Variants in CDK6 observed in about 807,000 individuals in gnomAD.
The protein encoded by CDK6 is cyclin dependent kinase 6, also known as cyclin-dependent kinase 6.
Under a neutral mutation model 37.1 loss-of-function variants are expected in CDK6, and 6 were observed. The ratio of observed to expected loss-of-function variants is 0.16; its 90% confidence interval spans 0.09 to 0.32. CDK6 has a LOEUF of 0.32. CDK6 is among the 10% of genes least tolerant of loss of function. CDK6 has a pLI of 1.00. For missense variants in CDK6, 224 were observed against 418.9 expected (o/e 0.53, Z 4.06); for synonymous variants, 160 against 161.3 (o/e 0.99, Z 0.06).
chr7:92,778,373 T>C lies in CDK6; in HGVS notation c.234-3542A>G, dbSNP rs184057087. 4.6e-5 allele frequency among the ~76,000 whole-genome samples: 7 copies of C among 152,334 alleles called. No homozygotes were observed. The East Asian group carries it at 1.4e-3, about 29-fold the overall frequency. On this transcript the variant is annotated intron_variant, in intron 2 of 7. Transcript: ENST00000424848. ...CATTCCTAAACTTAATATTTTCCCC[T>C]AATGTTACTTATTCTGGAAAATTAT... is the stretch of plus-strand genomic sequence containing the variant.
intron 2 of CDK6, among the ~76,000 whole-genome samples, chr7:92,831,372 T>C (rs1801475372): frequency 6.6e-6 from 1 of 152,326 alleles, no homozygotes; most frequent in African/African-American, 2.4e-5. Context: ...TATTCATTCA[T>C]ATACATGATA....
rs192393444 is a variant in CDK6 at position 92,630,046 on chromosome 7, T to C, written c.648-6960A>G. On this transcript the variant is annotated intron_variant, in intron 5 of 7. Coordinates refer to ENST00000424848, the MANE Select transcript of CDK6 (RefSeq NM_001145306.2). ...AGCCCCATCTCCAAATAGCATCACA[T>C]TGGGGGTTAGGGCTTCAATGTAAGA... Among the ~76,000 whole-genome samples the C allele has an allele frequency of 7.0e-3, 1,067 of 152,172 alleles. 22 individuals carry two copies. The highest frequency in any genetic ancestry group is 0.025 in the African/African-American group (1,025 of 41,520).
intron 4 of CDK6, among the ~76,000 whole-genome samples, chr7:92,702,217 A>ATTTT (rs1562940434): frequency 1.2e-4 from 6 of 49,850 alleles, no homozygotes; most frequent in East Asian, 1.3e-3. Context: ...TATCAAGTAT[A>ATTTT]TTCTTTTTTT....
intron 2 of CDK6, among the ~76,000 whole-genome samples, chr7:92,789,267 T>C (rs939502732): frequency 6.6e-6 from 1 of 152,170 alleles, no homozygotes; most frequent in African/African-American, 2.4e-5. Flanking sequence ...TTTTTGCCAA[T>C]AGATCTGCCC....
chr7:92,677,651 G>T (rs1797236461), intron 4 of CDK6, among the ~76,000 whole-genome samples: 1 of 152,072 alleles, frequency 6.6e-6, no homozygotes, highest in Non-Finnish European at 1.5e-5. Context: ...AGATATAAAA[G>T]AATAGCATTT....
At position 92,725,659 on chromosome 7, in the gene CDK6, G is replaced by A. The variant is rs771163287; in HGVS notation, c.504C>T (p.Arg168=). The change falls in exon 4 of 8, where the codon CGC becomes CGT. Residue 168 remains arginine, a synonymous_variant. Coordinates refer to ENST00000424848, the MANE Select transcript of CDK6 (RefSeq NM_001145306.2). ...QIKLADFGLA[R]IYSFQMALTS... ...TTAGAGCCATCTGGAAACTATAGAT[G>A]CGGGCAAGGCCGAAGTCAGCGAGTT... 1 of 1,614,076 alleles carries A rather than the reference G, an allele frequency of 6.2e-7. No homozygotes were observed. Among genetic ancestry groups the A allele is most frequent in the East Asian group, 2.2e-5 (1 of 44,882 alleles).
At chr7:92,741,962 G>A (rs1285688338) in intron 3 of CDK6, among the ~76,000 whole-genome samples, 1 of 152,068 alleles carries the variant, frequency 6.6e-6, no homozygotes, top group East Asian at 1.9e-4. Flanking sequence ...AAGAATAGGT[G>A]CTCAATAAGT....
intron 4 of CDK6, among the ~76,000 whole-genome samples, chr7:92,696,867 A>T (rs1194076254): frequency 6.6e-6 from 1 of 152,254 alleles, no homozygotes; most frequent in Non-Finnish European, 1.5e-5. Context: ...GAAGAAAATG[A>T]AAAGCAACAT....
At chr7:92,681,028 A>G (rs1166593036) in intron 4 of CDK6, among the ~76,000 whole-genome samples, 2 of 152,232 alleles carry the variant, frequency 1.3e-5, no homozygotes, top group Non-Finnish European at 2.9e-5. Flanking sequence ...ATAGCTAGAT[A>G]CATCAATAAC....
At chr7:92,647,004 A>ATGGGAAAACTGTTT (rs1329595559) in intron 5 of CDK6, among the ~76,000 whole-genome samples, 1 of 152,232 alleles carries the variant, frequency 6.6e-6, no homozygotes, top group Non-Finnish European at 1.5e-5. Context: ...GAAGAGAAAC[A>ATGGGAAAACTGTTT]TGGGAAAACT....
At chr7:92,691,421 TAATA>T (rs549300991) in intron 4 of CDK6, among the ~76,000 whole-genome samples, 55 of 152,304 alleles carry the variant, frequency 3.6e-4, no homozygotes, top group Admixed American at 5.9e-4. Context: ...ATCAAGAAAC[TAATA>T]TTTATTGAGC....
rs138515740 is a variant in CDK6 at position 92,682,096 on chromosome 7, C to T, written c.538-10561G>A. ...CAATTCCATCGAGAGCATGTCCTCT[C>T]CTGGATGGTCCAAATAGCTTCCTCT... On this transcript the variant is annotated intron_variant, in intron 4 of 7. Transcript: ENST00000424848. 2.0e-3 allele frequency among the ~76,000 whole-genome samples: 310 copies of T among 152,318 alleles called. 2 individuals carry two copies. Among genetic ancestry groups the T allele is most frequent in the African/African-American group, 6.8e-3 (281 of 41,566 alleles).
chr7:92,780,784 A>C (rs567900876), intron 2 of CDK6, among the ~76,000 whole-genome samples: 3 of 151,632 alleles, frequency 2.0e-5, no homozygotes, highest in African/African-American at 7.2e-5. Flanking sequence ...AAAAAACAAA[A>C]AAACAAAAAA....
At chr7:92,699,693 T>A (rs1241395101) in intron 4 of CDK6, among the ~76,000 whole-genome samples, 1 of 152,216 alleles carries the variant, frequency 6.6e-6, no homozygotes, top group African/African-American at 2.4e-5. Context: ...GCATTGGATC[T>A]CAGTTGCAAA....
At chr7:92,645,468 C>T (rs1283513577) in intron 5 of CDK6, among the ~76,000 whole-genome samples, 1 of 152,214 alleles carries the variant, frequency 6.6e-6, no homozygotes, top group Non-Finnish European at 1.5e-5. Flanking sequence ...TTCTATCTTG[C>T]TGAGTGCACA....
chr7:92,618,274 C>G (rs2116485485), intron 6 of CDK6, 67 bp from the exon 7 acceptor site: 3 of 1,564,338 alleles, frequency 1.9e-6, no homozygotes, highest in South Asian at 1.2e-5. Context: ...TCATCAATTT[C>G]CAGAGAAAGG....
intron 4 of CDK6, among the ~76,000 whole-genome samples, chr7:92,709,559 C>T (rs545703439): frequency 5.3e-5 from 8 of 152,168 alleles, no homozygotes; most frequent in African/African-American, 1.7e-4. Context: ...AAAACATACA[C>T]ATATATACAT....
intron 4 of CDK6, among the ~76,000 whole-genome samples, chr7:92,704,753 G>A (rs539744677): frequency 6.6e-6 from 1 of 152,188 alleles, no homozygotes; most frequent in South Asian, 2.1e-4. Context: ...TGAACAGTTG[G>A]GTTGTTTGGA....
intron 5 of CDK6, among the ~76,000 whole-genome samples, chr7:92,641,554 C>T (rs999274569): frequency 6.6e-6 from 1 of 152,084 alleles, no homozygotes; most frequent in South Asian, 2.1e-4. Context: ...ACTCTTTACT[C>T]GTATTTTAAA....
Sources: allele counts gnomAD v4.1 joint callset (sites outside exome capture counted in the v4.1 genomes callset), GRCh38; gene constraint gnomAD v4.1.1; transcripts MANE v1.5; gene names NCBI Gene and HGNC (gene_info 2026-07-23, HGNC 2026-07-21).